Variants in RIMS2 observed in about 807,000 individuals in gnomAD.
RIMS2 encodes the protein regulating synaptic membrane exocytosis 2, also known as regulating synaptic membrane exocytosis protein 2.
Under a neutral mutation model 174.4 loss-of-function variants are expected in RIMS2, and 59 were observed. The observed-to-expected ratio is 0.34, with a 90% confidence interval of 0.27 to 0.42. The LOEUF (loss-of-function observed/expected upper bound fraction) is 0.42. Ranked by LOEUF, RIMS2 falls within the 10% of genes least tolerant of loss-of-function variation. RIMS2 has a pLI of 1.00. For missense variants in RIMS2, 1,620 were observed against 1,666.3 expected, an observed-to-expected ratio of 0.97 and a Z score of 0.48; for synonymous variants, 606 against 572.5, an observed-to-expected ratio of 1.06 and a Z score of -0.84.
chr8:103,562,069 A>G (rs908986175), intron 1 of RIMS2, among the ~76,000 whole-genome samples: 4 of 152,154 alleles, frequency 2.6e-5, no homozygotes, highest in Admixed American at 6.6e-5. Context: ...CTCCCACAAC[A>G]TGTGGGAATT....
chr8:104,098,328 A>G (rs1399641325), intron 19 of RIMS2, among the ~76,000 whole-genome samples: 1 of 152,108 alleles, frequency 6.6e-6, no homozygotes, highest in Non-Finnish European at 1.5e-5. Flanking sequence ...CCATGTGTGG[A>G]TGGATGTTTG....
At chr8:103,913,435 C>G (rs988772816) in intron 6 of RIMS2, among the ~76,000 whole-genome samples, 1 of 151,906 alleles carries the variant, frequency 6.6e-6, no homozygotes, top group Non-Finnish European at 1.5e-5. Context: ...CTCTGTCTCT[C>G]TCTAAAAAAA....
intron 1 of RIMS2, among the ~76,000 whole-genome samples, chr8:103,504,846 C>CTTTTTTTTTTTTT (rs11367763): frequency 8.4e-5 from 8 of 95,042 alleles, no homozygotes; most frequent in South Asian, 3.5e-4. Context: ...TTCTTTCTTT[C>CTTTTTTTTTTTTT]TTTTTTTTTT....
intron 1 of RIMS2, among the ~76,000 whole-genome samples, chr8:103,622,410 A>T (rs1315804688): frequency 6.6e-6 from 1 of 152,156 alleles, no homozygotes; most frequent in Non-Finnish European, 1.5e-5. Flanking sequence ...CAAACACAAA[A>T]CACATAAAAA....
chr8:104,169,882 A>G (rs2098822123), intron 19 of RIMS2, among the ~76,000 whole-genome samples: 1 of 152,048 alleles, frequency 6.6e-6, no homozygotes, highest in Non-Finnish European at 1.5e-5. Context: ...ATTATCATTA[A>G]TTTCAAGGAA....
intron 19 of RIMS2, among the ~76,000 whole-genome samples, chr8:104,221,251 C>T (rs900562278): frequency 5.9e-5 from 9 of 152,238 alleles, no homozygotes; most frequent in Admixed American, 2.0e-4. Context: ...TCAATACATA[C>T]GTGCGCACAC....
rs568491432 is a variant in RIMS2 at position 104,223,113 on chromosome 8, T to C, written c.3335-21803T>C. Reference sequence around the variant, plus strand: ...TACCGGTTTACTTATCTGAGATGCCTAACTCACTGCATCTAATTAGTCACC... The same window carrying C: ...TACCGGTTTACTTATCTGAGATGCCCAACTCACTGCATCTAATTAGTCACC... On this transcript the variant is annotated intron_variant, in intron 19 of 23. Coordinates refer to ENST00000504942, the Ensembl canonical transcript of RIMS2. 5.3e-5 allele frequency among the ~76,000 whole-genome samples: 8 copies of C among 152,304 alleles called. No homozygotes were observed. In the South Asian group the frequency reaches 1.7e-3, roughly 32 times the overall value.
intron 1 of RIMS2, among the ~76,000 whole-genome samples, chr8:103,623,477 A>AGTTTTTT (rs2095687439): frequency 1.2e-5 from 1 of 80,666 alleles, no homozygotes. Context: ...GGGTTTCTTC[A>AGTTTTTT]GTTTTTTTTT....
At chr8:103,865,233 T>G (rs1308122825) in intron 3 of RIMS2, among the ~76,000 whole-genome samples, 1 of 151,250 alleles carries the variant, frequency 6.6e-6, no homozygotes, top group African/African-American at 2.4e-5. Context: ...AAATTTTTAA[T>G]GAGAAATTTG....
chr8:103,858,830 G>A (rs1405337914), intron 3 of RIMS2, among the ~76,000 whole-genome samples: 1 of 151,700 alleles, frequency 6.6e-6, no homozygotes, highest in Non-Finnish European at 1.5e-5. Flanking sequence ...GAACTAGAGG[G>A]AATCTTCATT....
chr8:103,621,359 T>C (rs918827823), intron 1 of RIMS2, among the ~76,000 whole-genome samples: 1 of 152,174 alleles, frequency 6.6e-6, no homozygotes, highest in African/African-American at 2.4e-5. Flanking sequence ...TTTGTCCCGA[T>C]TGGTTAGCAA....
intron 13 of RIMS2, among the ~76,000 whole-genome samples, chr8:103,941,604 G>A (rs1211710112): frequency 2.6e-5 from 4 of 152,064 alleles, no homozygotes; most frequent in Non-Finnish European, 2.9e-5. Context: ...CACAAACACT[G>A]TCACTTGCAC....
rs147296714 is a variant in RIMS2, at chr8:104,070,362, A to G, written c.3334+55747A>G. 5.5e-3 allele frequency among the ~76,000 whole-genome samples: 842 copies of G among 152,364 alleles called. 6 individuals are homozygous for G. The highest frequency in any genetic ancestry group is 8.9e-3 in the Non-Finnish European group (602 of 68,020). ...AAGTAAATTTAAGACAAATTAAAAT[A>G]GCCTTGGCTTTACTCAGTAGGTTCT... is the stretch of plus-strand genomic sequence containing the variant. On this transcript the variant is annotated intron_variant, in intron 19 of 23. Transcript: ENST00000504942.
At chr8:103,990,782 A>G (rs1565717429) in intron 17 of RIMS2, among the ~76,000 whole-genome samples, 1 of 152,024 alleles carries the variant, frequency 6.6e-6, no homozygotes. Flanking sequence ...AAATTCTGAA[A>G]TGAATTTAAA....
intron 19 of RIMS2, among the ~76,000 whole-genome samples, chr8:104,116,977 G>T (rs543787160): frequency 1.3e-5 from 2 of 151,698 alleles, no homozygotes; most frequent in African/African-American, 4.8e-5. Flanking sequence ...GAAATCTGTT[G>T]ACAGCTTTGT....
intron 19 of RIMS2, among the ~76,000 whole-genome samples, chr8:104,099,966 C>T (rs540902492): frequency 1.1e-4 from 17 of 151,812 alleles, no homozygotes; most frequent in East Asian, 1.9e-4. Context: ...TACAGGGTCA[C>T]GCCATCACAC....
rs78643808 is a variant in RIMS2 at position 103,632,926 on chromosome 8, G to T, written c.177-64160G>T. ...TTTTTTGTATTTTTAGTAGAGATGG[G>T]GTTTCACTATGTTAACCAGGATGAT... On this transcript the variant is annotated intron_variant, in intron 1 of 23. Coordinates refer to ENST00000504942, the Ensembl canonical transcript of RIMS2. Among the ~76,000 whole-genome samples, 63 of 147,936 alleles carry T rather than the reference G, an allele frequency of 4.3e-4. 1 individual carries two copies. In the East Asian group the frequency reaches 0.012, roughly 28 times the overall value.
intron 19 of RIMS2, among the ~76,000 whole-genome samples, chr8:104,082,821 A>G (rs973570276): frequency 4.6e-5 from 7 of 151,572 alleles, no homozygotes; most frequent in African/African-American, 1.7e-4. Context: ...ATTTTTCTAT[A>G]TTTTATACAA....
intron 16 of RIMS2, 174 bp downstream of exon 18, chr8:103,975,680 G>C: frequency 3.9e-6 from 2 of 511,914 alleles, no homozygotes; most frequent in Non-Finnish European, 6.9e-6. Context: ...GGGGAAGGGA[G>C]AAGCCAGTAG....
Sources: gnomAD v4.1 joint callset for allele counts (sites outside exome capture counted in the v4.1 genomes callset) on GRCh38, gnomAD v4.1.1 for gene constraint, MANE v1.5 for transcripts, NCBI Gene and HGNC (gene_info 2026-07-23, HGNC 2026-07-21) for gene names.